The following FAM227B variants were observed in gnomAD, a reference collection of about 807,000 sequenced individuals.
The protein encoded by FAM227B is protein FAM227B.
Under a neutral mutation model 73.8 loss-of-function variants are expected in FAM227B, and 88 were observed. The observed-to-expected ratio is 1.19, with a 90% CI of 1.00 to 1.42. The LOEUF is 1.42. Among genes scored for constraint, FAM227B ranks in the 40% most tolerant of loss-of-function variants. The pLI is 0.00. For synonymous variants in FAM227B, 210 were observed against 190.5 expected (o/e 1.10, Z -0.84); for missense variants, 632 against 590.9 (o/e 1.07, Z -0.72).
intron 11 of FAM227B, among the ~76,000 whole-genome samples, chr15:49,475,224 T>C (rs1470036328): frequency 1.3e-5 from 2 of 152,098 alleles, no homozygotes; most frequent in African/African-American, 4.8e-5. Context: ...TAAAATAAAG[T>C]GTTACTGAAA....
chr15:49,435,339 A>T (rs780061687), intron 11 of FAM227B, among the ~76,000 whole-genome samples: 1 of 151,572 alleles, frequency 6.6e-6, no homozygotes, highest in Non-Finnish European at 1.5e-5. Flanking sequence ...AAAATTATGA[A>T]GGTTATCTAC....
chr15:49,600,377 G>C (rs1322293519), intron 3 of FAM227B, among the ~76,000 whole-genome samples: 1 of 149,428 alleles, frequency 6.7e-6, no homozygotes, highest in Non-Finnish European at 1.5e-5. Context: ...AATCCGGCCA[G>C]GCATGGTGGC....
chr15:49,529,503 A>T (rs1469023937), intron 10 of FAM227B, among the ~76,000 whole-genome samples: 1 of 151,726 alleles, frequency 6.6e-6, no homozygotes, highest in African/African-American at 2.4e-5. Context: ...ACATACACAC[A>T]AAAGAAAATG....
chr15:49,599,097 T>A (rs2077044669), intron 3 of FAM227B, among the ~76,000 whole-genome samples: 1 of 152,108 alleles, frequency 6.6e-6, no homozygotes, highest in Non-Finnish European at 1.5e-5. Flanking sequence ...TGGGAGGTTT[T>A]CAATTACTGA....
intron 10 of FAM227B, among the ~76,000 whole-genome samples, chr15:49,526,046 A>C (rs1229668441): frequency 1.3e-5 from 2 of 152,056 alleles, no homozygotes; most frequent in Non-Finnish European, 2.9e-5. Context: ...CTCTAGACCA[A>C]ACGAACCTAA....
At chr15:49,365,804 C>T in intron 13 of FAM227B, 1 of 863,356 alleles carries the variant, frequency 1.2e-6, no homozygotes, top group South Asian at 1.3e-5. Context: ...ATGCACAGTC[C>T]AGAGAGAAAC....
In FAM227B at chr15:49,559,763, C is replaced by T. The variant is rs186023132; in HGVS notation, c.747+8482G>A. ...TAGCCTGACCAACATGGTGAAACCC[C>T]GTCTCTACTAAAAATACAAAAATTA... is the stretch of plus-strand genomic sequence containing the variant. On this transcript the variant is annotated intron_variant, in intron 9 of 15. Transcript: ENST00000299338. Among the ~76,000 whole-genome samples, 313 of 152,086 alleles carry T rather than the reference C, an allele frequency of 2.1e-3. 1 individual carries two copies. Among genetic ancestry groups the T allele is most frequent in the African/African-American group, 6.9e-3 (288 of 41,506 alleles).
chr15:49,457,107 G>T (rs17400916), intron 11 of FAM227B, among the ~76,000 whole-genome samples: 29,066 of 151,924 alleles, frequency 0.19, 3,301 homozygotes, highest in Non-Finnish European at 0.25. Context: ...ATAATTTACA[G>T]CAAGACGTTT....
chr15:49,367,442 G>A lies in FAM227B; in HGVS notation c.1271+6C>T. On this transcript the variant is annotated splice_donor_region_variant and intron_variant, in intron 13 of 15. Coordinates refer to ENST00000299338, the MANE Select transcript of FAM227B (RefSeq NM_152647.3). ...TTATATTAAAGCAAAGCTTTAAAAA[G>A]GATATGGTTCCTGGAATATCTTAGT... 1 of 1,556,982 alleles carries A rather than the reference G, an allele frequency of 6.4e-7. No homozygotes were observed. The highest frequency in any genetic ancestry group is 1.2e-5 in the South Asian group (1 of 80,272).
intron 10 of FAM227B, among the ~76,000 whole-genome samples, chr15:49,537,564 GTATA>G (rs2070453293): frequency 6.6e-6 from 1 of 152,016 alleles, no homozygotes; most frequent in Admixed American, 6.6e-5. Context: ...TCACTTTTGG[GTATA>G]TTACCCAAAG....
chr15:49,536,467 T>C (rs973907382), intron 10 of FAM227B, among the ~76,000 whole-genome samples: 6 of 151,920 alleles, frequency 3.9e-5, no homozygotes, highest in African/African-American at 9.7e-5. Flanking sequence ...AGAATCAATA[T>C]GGTTAATATG....
chr15:49,570,575 C>A (rs1471592537), intron 8 of FAM227B, among the ~76,000 whole-genome samples: 1 of 151,628 alleles, frequency 6.6e-6, no homozygotes, highest in Non-Finnish European at 1.5e-5. Context: ...AAACTTATTT[C>A]TCTGGTGTAA....
At position 49,406,528 on chromosome 15, in the gene FAM227B, T is replaced by C. The variant is rs374222284; in HGVS notation, c.1013-35129A>G. Among the ~76,000 whole-genome samples the C allele has an allele frequency of 5.9e-5, 9 of 152,020 alleles. No individual in the cohort carries two copies. The East Asian group carries it at 1.8e-3, about 30-fold the overall frequency. On this transcript the variant is annotated intron_variant, in intron 11 of 15. Coordinates refer to ENST00000299338, the MANE Select transcript of FAM227B (RefSeq NM_152647.3). ...GGGGAGGGTCTGCTGTTCTCCATGC[T>C]TAGCTTCACTCCCACAGCAGCAGCT... is the stretch of plus-strand genomic sequence containing the variant.
At chr15:49,612,252 C>T (rs1297426166) in intron 2 of FAM227B, among the ~76,000 whole-genome samples, 1 of 152,090 alleles carries the variant, frequency 6.6e-6, no homozygotes, top group African/African-American at 2.4e-5. Context: ...CTGTCCCCAC[C>T]CCACAACAGG....
intron 8 of FAM227B, 198 bp downstream of exon 8, chr15:49,574,813 T>C (rs1250110669): frequency 3.0e-6 from 1 of 328,994 alleles, no homozygotes; most frequent in African/African-American, 2.2e-5. Flanking sequence ...ATCCAGAATC[T>C]TTTGAAATCT....
chr15:49,381,064 G>A (rs1260294841), intron 11 of FAM227B, among the ~76,000 whole-genome samples: 2 of 152,138 alleles, frequency 1.3e-5, no homozygotes, highest in Non-Finnish European at 2.9e-5. Flanking sequence ...GCAAGAGCAA[G>A]GGGGAGGGGA....
At chr15:49,604,955 C>T (rs746785166) in intron 3 of FAM227B, among the ~76,000 whole-genome samples, 21 of 151,538 alleles carry the variant, frequency 1.4e-4, no homozygotes, top group Non-Finnish European at 2.9e-4. Context: ...TATTGTTTTC[C>T]TGATTTTCTT....
At chr15:49,517,893 C>G (rs2152142881) in intron 10 of FAM227B, among the ~76,000 whole-genome samples, 1 of 152,246 alleles carries the variant, frequency 6.6e-6, no homozygotes, top group African/African-American at 2.4e-5. Context: ...AGCATCTACT[C>G]ACTTGTATCT....
chr15:49,410,798 A>G (rs1182804095), intron 11 of FAM227B, among the ~76,000 whole-genome samples: 23 of 152,124 alleles, frequency 1.5e-4, no homozygotes, highest in Admixed American at 1.5e-3. Context: ...TGACTTCTAT[A>G]ACATGATGCT....
Sources: gnomAD v4.1 joint callset for allele counts (sites outside exome capture counted in the v4.1 genomes callset) on GRCh38, gnomAD v4.1.1 for gene constraint, MANE v1.5 for transcripts, NCBI Gene and HGNC (gene_info 2026-07-23, HGNC 2026-07-21) for gene names.